Variants in VWC2L observed in about 807,000 individuals in gnomAD.
The protein encoded by VWC2L is von Willebrand factor C domain-containing protein 2-like.
A neutral mutation model predicts 21.6 loss-of-function variants in VWC2L; 10 were observed. The observed-to-expected ratio is 0.46, with a 90% CI of 0.29 to 0.78. VWC2L has a LOEUF of 0.78. VWC2L is among the 30% of genes least tolerant of loss of function. VWC2L has a pLI of 0.10. For synonymous variants in VWC2L, 96 were observed against 94.3 expected (o/e 1.02, Z -0.10); for missense variants, 209 against 277.1 (o/e 0.75, Z 1.74).
intron 2 of VWC2L, among the ~76,000 whole-genome samples, chr2:214,422,374 A>G (rs1171973503): frequency 6.6e-6 from 1 of 152,100 alleles, no homozygotes; most frequent in Non-Finnish European, 1.5e-5. Context: ...TTGTTTTAAG[A>G]TATTAAATCT....
chr2:214,521,447 CCTG>C (rs774087304), intron 3 of VWC2L, among the ~76,000 whole-genome samples: 6 of 152,224 alleles, frequency 3.9e-5, no homozygotes, highest in Non-Finnish European at 7.4e-5. Flanking sequence ...TTCTGCATTT[CCTG>C]CTTTTTCCTC....
chr2:214,465,634 T>C (rs1252304632), intron 3 of VWC2L, among the ~76,000 whole-genome samples: 1 of 152,158 alleles, frequency 6.6e-6, no homozygotes, highest in Admixed American at 6.5e-5. Context: ...TGTATCTCAC[T>C]AGGTTCATGC....
At chr2:214,433,183 T>TATATATATATATATA (rs1278271015) in intron 2 of VWC2L, among the ~76,000 whole-genome samples, 1 of 114,072 alleles carries the variant, frequency 8.8e-6, no homozygotes, top group African/African-American at 3.1e-5. Flanking sequence ...TATATATATA[T>TATATATATATATATA]TATATATAAA....
intron 3 of VWC2L, among the ~76,000 whole-genome samples, chr2:214,546,873 A>G (rs1689714979): frequency 6.6e-6 from 1 of 152,162 alleles, no homozygotes; most frequent in Admixed American, 6.6e-5. Context: ...CCCAAAAAGG[A>G]TGATACCCTA....
In VWC2L at chr2:214,576,600, T is replaced by A. The variant is rs560852942; in HGVS notation, c.*780T>A. On this transcript the variant is annotated 3_prime_UTR_variant, in exon 4 of 4. Transcript: ENST00000312504. ...TCCAAAGAGAGACAGATCTTTAAAATTGTAGCATTAATCATCAGACTTTTT... is the reference window on the plus strand; with the variant it reads ...TCCAAAGAGAGACAGATCTTTAAAAATGTAGCATTAATCATCAGACTTTTT... The A allele has an allele frequency of 3.7e-4, 57 of 152,264 alleles. No individual in the cohort carries two copies. The highest frequency in any genetic ancestry group is 1.3e-3 in the African/African-American group (56 of 41,548). 9.4% of individuals were successfully genotyped at this position (152,264 alleles called of 1,614,324 possible).
chr2:214,546,964 G>A (rs1162100863), intron 3 of VWC2L, among the ~76,000 whole-genome samples: 3 of 152,138 alleles, frequency 2.0e-5, no homozygotes, highest in African/African-American at 4.8e-5. Flanking sequence ...TCTATGCCAC[G>A]TACTGAGTGT....
chr2:214,413,619 A>C (rs1411503124), intron 1 of VWC2L, among the ~76,000 whole-genome samples: 1 of 152,160 alleles, frequency 6.6e-6, no homozygotes, highest in Non-Finnish European at 1.5e-5. Context: ...GCTCCTTCCT[A>C]AATATAATTT....
At chr2:214,478,795 AAAGAGCCCATCTGCC>A (rs1688562003) in intron 3 of VWC2L, among the ~76,000 whole-genome samples, 2 of 152,152 alleles carry the variant, frequency 1.3e-5, no homozygotes, top group South Asian at 4.1e-4. Context: ...TCTGCCACAG[AAAGAGCCCATCTGCC>A]ATTTACTTGC....
At chr2:214,541,912 G>GTTTT (rs60542340) in intron 3 of VWC2L, among the ~76,000 whole-genome samples, 231 of 148,284 alleles carry the variant, frequency 1.6e-3, no homozygotes, top group African/African-American at 3.1e-3. Context: ...ACTGTTTACT[G>GTTTT]TTTTTTTTTT....
chr2:214,421,064 T>C (rs1702431112), intron 2 of VWC2L, among the ~76,000 whole-genome samples: 1 of 152,236 alleles, frequency 6.6e-6, no homozygotes, highest in Non-Finnish European at 1.5e-5. Context: ...GTAATTTTTA[T>C]ACTCTTTGAG....
intron 3 of VWC2L, among the ~76,000 whole-genome samples, 188 bp downstream of exon 3, chr2:214,436,946 T>C (rs1323511227): frequency 6.6e-6 from 1 of 152,196 alleles, no homozygotes; most frequent in Non-Finnish European, 1.5e-5. Flanking sequence ...ATTGTGCAGC[T>C]TTCCATCTGG....
At chr2:214,477,622 T>C (rs532662013) in intron 3 of VWC2L, among the ~76,000 whole-genome samples, 1 of 152,378 alleles carries the variant, frequency 6.6e-6, no homozygotes, top group African/African-American at 2.4e-5. Context: ...GTGATTATTA[T>C]TCCCATTTTA....
At chr2:214,517,195 C>T (rs1689157333) in intron 3 of VWC2L, among the ~76,000 whole-genome samples, 1 of 152,222 alleles carries the variant, frequency 6.6e-6, no homozygotes, top group African/African-American at 2.4e-5. Flanking sequence ...AACACCTCCT[C>T]CTTAAAATAC....
At chr2:214,418,999 A>G (rs1366127921) in intron 2 of VWC2L, among the ~76,000 whole-genome samples, 1 of 152,240 alleles carries the variant, frequency 6.6e-6, no homozygotes, top group Non-Finnish European at 1.5e-5. Context: ...TGCAAATCAT[A>G]GGTCACACTT....
chr2:214,544,187 A>G (rs796497886), intron 3 of VWC2L, among the ~76,000 whole-genome samples: 2 of 152,186 alleles, frequency 1.3e-5, no homozygotes, highest in African/African-American at 4.8e-5. Flanking sequence ...AAAGGGAGTG[A>G]CTCCAGGAAT....
At chr2:214,550,369 A>C (rs147850561) in intron 3 of VWC2L, among the ~76,000 whole-genome samples, 61 of 152,308 alleles carry the variant, frequency 4.0e-4, no homozygotes, top group Non-Finnish European at 7.8e-4. Flanking sequence ...CTCTTTCTTA[A>C]ACTTCAAAAC....
intron 3 of VWC2L, among the ~76,000 whole-genome samples, chr2:214,554,697 A>G (rs1172045925): frequency 1.3e-5 from 2 of 152,134 alleles, no homozygotes; most frequent in South Asian, 4.1e-4. Flanking sequence ...AAAGCAAAAC[A>G]AATTCAGGCA....
In VWC2L at chr2:214,477,999, A is replaced by G. The variant is rs948040700; in HGVS notation, c.520+41241A>G. 2.6e-4 allele frequency among the ~76,000 whole-genome samples: 39 copies of G among 152,064 alleles called. 1 individual carries two copies. The highest frequency in any genetic ancestry group is 1.2e-4 in the Non-Finnish European group (8 of 68,048). ...GAAGTTCTTCCCCAGCTCTTAGATG[A>G]AAACTCAGACAGGCCTTTGGGCACT... On this transcript the variant is annotated intron_variant, in intron 3 of 3. Coordinates refer to ENST00000312504, the MANE Select transcript of VWC2L (RefSeq NM_001080500.4).
At chr2:214,482,762 CA>C in intron 3 of VWC2L, among the ~76,000 whole-genome samples, 1 of 151,456 alleles carries the variant, frequency 6.6e-6, no homozygotes, top group Non-Finnish European at 1.5e-5. Context: ...AACTGCATCT[CA>C]AAAAAATAAT....
Sources: gnomAD v4.1 joint callset for allele counts (sites outside exome capture counted in the v4.1 genomes callset) on GRCh38, gnomAD v4.1.1 for gene constraint, MANE v1.5 for transcripts, NCBI Gene and HGNC (gene_info 2026-07-23, HGNC 2026-07-21) for gene names.